The following CDH4 variants were observed in gnomAD, a reference collection of about 807,000 sequenced individuals.
The protein encoded by CDH4 is cadherin 4.
CDH4 carries 33 observed loss-of-function variants against 86.0 expected under a neutral mutation model. The observed-to-expected ratio is 0.38, with a 90% CI of 0.29 to 0.51. The LOEUF is 0.51. Ranked by LOEUF, CDH4 falls within the 20% of genes least tolerant of loss-of-function variation. The pLI, the probability that CDH4 is intolerant of heterozygous loss-of-function variation, is 0.86. For missense variants in CDH4, 1,114 were observed against 1,307.4 expected, an observed-to-expected ratio of 0.85 and a Z score of 2.28; for synonymous variants, 555 against 549.4, an observed-to-expected ratio of 1.01 and a Z score of -0.14.
chr20:61,887,509 A>T lies in CDH4; in HGVS notation c.1051-7401A>T, dbSNP rs975868240. 2.0e-5 allele frequency among the ~76,000 whole-genome samples: 3 copies of T among 152,198 alleles called. No homozygotes were observed. In the East Asian group the frequency reaches 5.8e-4, roughly 29 times the overall value. Reference sequence around the variant, plus strand: ...CAGGCATGCACACTCGTGCACAAGCACGCATACACACATGCACACACACAA... The same window carrying T: ...CAGGCATGCACACTCGTGCACAAGCTCGCATACACACATGCACACACACAA... On this transcript the variant is annotated intron_variant, in intron 7 of 15. Coordinates refer to ENST00000614565, the MANE Select transcript of CDH4 (RefSeq NM_001794.5).
chr20:61,495,526 G>C (rs1029518781), intron 2 of CDH4, among the ~76,000 whole-genome samples: 2 of 152,218 alleles, frequency 1.3e-5, no homozygotes, highest in African/African-American at 2.4e-5. Flanking sequence ...TCTGAGGTGG[G>C]AATGGCCACT....
At chr20:61,583,170 CGGGGGGG>C (rs2086443050) in intron 2 of CDH4, among the ~76,000 whole-genome samples, 1 of 47,932 alleles carries the variant, frequency 2.1e-5, no homozygotes, top group African/African-American at 9.1e-5. Flanking sequence ...GAGGGCTCTG[CGGGGGGG>C]ACAGAGGGCT....
chr20:61,800,293 C>A (rs1192818686), intron 4 of CDH4, among the ~76,000 whole-genome samples: 3 of 152,214 alleles, frequency 2.0e-5, no homozygotes, highest in African/African-American at 7.2e-5. Context: ...GGGCAGAGCT[C>A]CTCGCCCCAT....
chr20:61,699,245 T>C (rs1469892222), intron 2 of CDH4, among the ~76,000 whole-genome samples: 1 of 152,136 alleles, frequency 6.6e-6, no homozygotes, highest in Non-Finnish European at 1.5e-5. Context: ...TGGCTGTAAA[T>C]GCATTTGGGG....
At chr20:61,824,090 G>C (rs1403737431) in intron 4 of CDH4, among the ~76,000 whole-genome samples, 1 of 152,130 alleles carries the variant, frequency 6.6e-6, no homozygotes, top group Non-Finnish European at 1.5e-5. Flanking sequence ...AGAGCAACAG[G>C]CTCCCTGGAA....
chr20:61,921,148 ATGATTGCATGGAAGCGTGGTGTCACAG>A (rs1245361640), intron 9 of CDH4, among the ~76,000 whole-genome samples: 20 of 131,954 alleles, frequency 1.5e-4, no homozygotes, highest in Admixed American at 5.9e-4. Context: ...GCGTGGTGTC[ATGATTGCATGGAAGCGTGGTGTCACAG>A]TGATTGCATG....
At chr20:61,725,808 G>A (rs2088104072) in intron 2 of CDH4, among the ~76,000 whole-genome samples, 1 of 152,058 alleles carries the variant, frequency 6.6e-6, no homozygotes, top group Non-Finnish European at 1.5e-5. Flanking sequence ...TGGCCTCTCA[G>A]GACAGCAAAG....
At chr20:61,760,378 G>A (rs1029453674) in intron 3 of CDH4, among the ~76,000 whole-genome samples, 5 of 152,166 alleles carry the variant, frequency 3.3e-5, no homozygotes, top group African/African-American at 4.8e-5. Flanking sequence ...CCACAGGTGC[G>A]CGGGGAGAGG....
intron 2 of CDH4, among the ~76,000 whole-genome samples, chr20:61,291,949 C>T (rs1476378864): frequency 6.6e-6 from 1 of 151,896 alleles, no homozygotes; most frequent in African/African-American, 2.4e-5. Flanking sequence ...TCTTTGTGTT[C>T]ATCAGTTCTT....
intron 7 of CDH4, among the ~76,000 whole-genome samples, chr20:61,885,167 TCA>T (rs1333059585): frequency 6.6e-6 from 1 of 152,050 alleles, no homozygotes; most frequent in African/African-American, 2.4e-5. Context: ...GAGAGGGAGC[TCA>T]CACGCCACCA....
intron 2 of CDH4, among the ~76,000 whole-genome samples, chr20:61,739,609 G>A (rs551850414): frequency 5.9e-5 from 9 of 152,382 alleles, no homozygotes; most frequent in Non-Finnish European, 1.5e-5. Flanking sequence ...TCTGTGTCCA[G>A]TCTGCAGAGT....
rs539827441 is a variant in CDH4, at chr20:61,452,305, G to T, written c.169+197368G>T. 6.6e-5 allele frequency among the ~76,000 whole-genome samples: 10 copies of T among 152,244 alleles called. No homozygotes were observed. In the South Asian group the frequency reaches 2.1e-3, roughly 32 times the overall value. On this transcript the variant is annotated intron_variant, in intron 2 of 15. Coordinates refer to ENST00000614565, the MANE Select transcript of CDH4 (RefSeq NM_001794.5). ...TGCCTGATGCCTCTTGTCCATAATA[G>T]ATCTTAGTCCCTCATTTAAGGATTT...
At chr20:61,860,258 GAA>G (rs1983258448) in intron 6 of CDH4, among the ~76,000 whole-genome samples, 1 of 152,198 alleles carries the variant, frequency 6.6e-6, no homozygotes, top group African/African-American at 2.4e-5. Flanking sequence ...AGACAACTTT[GAA>G]AACCACCTAT....
At chr20:61,658,332 C>G (rs754426703) in intron 2 of CDH4, among the ~76,000 whole-genome samples, 2 of 152,100 alleles carry the variant, frequency 1.3e-5, no homozygotes, top group Non-Finnish European at 2.9e-5. Context: ...TCTGCAACCC[C>G]GAGTCATTGT....
intron 2 of CDH4, among the ~76,000 whole-genome samples, chr20:61,281,064 C>T (rs536472081): frequency 2.1e-4 from 32 of 152,340 alleles, no homozygotes; most frequent in African/African-American, 7.5e-4. Flanking sequence ...TAGAAATGGC[C>T]TGCAGATGGG....
rs544572686 is a variant in CDH4, at chr20:61,275,515, G to A, written c.169+20578G>A. Among the ~76,000 whole-genome samples, 175 of 138,006 alleles carry A rather than the reference G, an allele frequency of 1.3e-3. 4 individuals carry two copies. The highest frequency in any genetic ancestry group is 2.4e-3 in the Non-Finnish European group (153 of 64,250). 90.5% of individuals were successfully genotyped at this position (138,006 alleles called of 152,430 possible). A position where few individuals can be genotyped will look rare whatever the true frequency, so the allele number is the denominator to read the frequency against. Reference sequence around the variant, plus strand: ...GTTTGGAGTACTGTGTGCAGTTTGGGGGAGTACCATGCACAGTTTGGGGGA... The same window carrying A: ...GTTTGGAGTACTGTGTGCAGTTTGGAGGAGTACCATGCACAGTTTGGGGGA... On this transcript the variant is annotated intron_variant, in intron 2 of 15. Transcript: ENST00000614565.
At chr20:61,738,379 C>A (rs1176050169) in intron 2 of CDH4, 1 of 152,238 alleles carries the variant, frequency 6.6e-6, no homozygotes, top group African/African-American at 2.4e-5. Flanking sequence ...GTACCCTCCT[C>A]CCCAGGAGGA....
At chr20:61,565,189 C>G (rs115057453) in intron 2 of CDH4, among the ~76,000 whole-genome samples, 650 of 31,424 alleles carry the variant, frequency 0.021, 68 homozygotes, top group African/African-American at 0.11. Context: ...TGGTGGTGGT[C>G]CTCTTGGTGG....
At position 61,709,653 on chromosome 20, in the gene CDH4, C is replaced by T. The variant is rs1287639509; in HGVS notation, c.170-33910C>T. Among the ~76,000 whole-genome samples, 1 of 151,898 alleles carries T rather than the reference C, an allele frequency of 6.6e-6. No homozygotes were observed. The highest frequency in any genetic ancestry group is 1.5e-5 in the Non-Finnish European group (1 of 68,014). ...CAGAGGTGCATGGCAGAGAAGGTAG[C>T]ATGGTTTCCAGAGTAAAGGAGGGCA... On this transcript the variant is annotated intron_variant, in intron 2 of 15. Coordinates refer to ENST00000614565, the MANE Select transcript of CDH4 (RefSeq NM_001794.5). The surrounding 1 kb of genome is among the most constrained non-coding windows in gnomAD (Gnocchi z 4.8).
Sources: gnomAD v4.1 joint callset for allele counts (sites outside exome capture counted in the v4.1 genomes callset) on GRCh38, gnomAD v4.1.1 for gene constraint, Gnocchi (gnomAD v3.1) non-coding constraint, MANE v1.5 for transcripts, NCBI Gene and HGNC (gene_info 2026-07-23, HGNC 2026-07-21) for gene names.